RABGAP1L: variants seen among roughly 807,000 people sequenced by gnomAD.
RABGAP1L encodes the protein RAB GTPase activating protein 1 like.
RABGAP1L carries 63 observed loss-of-function variants against 137.7 expected under a neutral mutation model. That is an observed-to-expected ratio of 0.46 (90% confidence interval 0.37 to 0.56). The LOEUF is 0.56. Ranked by LOEUF, RABGAP1L falls within the 20% of genes least tolerant of loss-of-function variation. The pLI is 0.00. For missense variants in RABGAP1L, 1,095 were observed against 1,244.0 expected (o/e 0.88, Z 1.80); for synonymous variants, 431 against 433.7 (o/e 0.99, Z 0.08).
intron 5 of RABGAP1L, among the ~76,000 whole-genome samples, chr1:174,248,605 A>C (rs1043062677): frequency 6.6e-6 from 1 of 152,184 alleles, no homozygotes; most frequent in African/African-American, 2.4e-5. Flanking sequence ...CTTTAGGGTA[A>C]TCATTGGTTA....
In RABGAP1L at chr1:174,448,247, G is replaced by C; in HGVS notation, c.1710+54102G>C. 1 of 1,614,060 alleles carries C rather than the reference G, an allele frequency of 6.2e-7. No individual in the cohort carries two copies. Among genetic ancestry groups the C allele is most frequent in the Non-Finnish European group, 8.5e-7 (1 of 1,179,976 alleles). On this transcript the variant is annotated intron_variant, in intron 13 of 25. Coordinates refer to ENST00000681986, the MANE Select transcript of RABGAP1L (RefSeq NM_001366446.1). This position sits in a 1 kb window ranked among gnomAD's most constrained non-coding sequence, Gnocchi z 4.2. ...GGATGTCTGCATCTTCGAGACAGTG[G>C]TTATTGTGTTGCTGACATTTCTGAT...
intron 11 of RABGAP1L, among the ~76,000 whole-genome samples, chr1:174,329,911 A>G (rs1280028007): frequency 6.6e-6 from 1 of 150,842 alleles, no homozygotes; most frequent in African/African-American, 2.5e-5. Context: ...TTTTTAAAAA[A>G]AGACTGATTT....
At chr1:174,936,971 A>ATTTTTTTTTTT (rs909397955) in intron 19 of RABGAP1L, among the ~76,000 whole-genome samples, 36 of 101,520 alleles carry the variant, frequency 3.5e-4, no homozygotes, top group African/African-American at 1.2e-3. Context: ...TATAAGATTA[A>ATTTTTTTTTTT]TTTTTTTTTT....
intron 1 of RABGAP1L, among the ~76,000 whole-genome samples, chr1:174,164,960 T>C (rs1029495507): frequency 1.3e-5 from 2 of 152,202 alleles, no homozygotes; most frequent in African/African-American, 4.8e-5. Context: ...GCTTCTTTCC[T>C]AACCTCACTT....
chr1:174,791,604 C>A (rs907209274), intron 18 of RABGAP1L, among the ~76,000 whole-genome samples: 1 of 152,166 alleles, frequency 6.6e-6, no homozygotes, highest in Non-Finnish European at 1.5e-5. Context: ...CAGGCTTCTG[C>A]TAACATATGT....
chr1:174,906,047 T>C (rs1337872566), intron 19 of RABGAP1L, among the ~76,000 whole-genome samples: 1 of 152,102 alleles, frequency 6.6e-6, no homozygotes, highest in East Asian at 1.9e-4. Flanking sequence ...AGACAGGATC[T>C]CACTCTATCA....
chr1:174,667,301 T>C (rs1471031858), intron 14 of RABGAP1L, among the ~76,000 whole-genome samples: 1 of 152,110 alleles, frequency 6.6e-6, no homozygotes, highest in African/African-American at 2.4e-5. Flanking sequence ...CCCATCTCCA[T>C]GGACACAAAC....
chr1:174,521,140 T>C (rs1663343901), intron 13 of RABGAP1L, among the ~76,000 whole-genome samples: 1 of 152,112 alleles, frequency 6.6e-6, no homozygotes. Context: ...CCACAGAAAA[T>C]AAAAACCTTA....
At chr1:174,370,512 C>CT (rs372406044) in intron 11 of RABGAP1L, among the ~76,000 whole-genome samples, 12,896 of 50,286 alleles carry the variant, frequency 0.26, 1,476 homozygotes, top group East Asian at 0.6. Flanking sequence ...AGAAACCTAA[C>CT]TTTTTTTTTT....
chr1:174,809,904 G>A (rs112733377), intron 18 of RABGAP1L, among the ~76,000 whole-genome samples: 6 of 152,332 alleles, frequency 3.9e-5, no homozygotes, highest in African/African-American at 1.4e-4. Flanking sequence ...GCCTTTTCCA[G>A]CTAAGTTAAG....
intron 13 of RABGAP1L, among the ~76,000 whole-genome samples, chr1:174,615,397 G>A (rs539675209): frequency 2.6e-5 from 4 of 152,278 alleles, no homozygotes; most frequent in Non-Finnish European, 5.9e-5. Context: ...GCGGATTTTC[G>A]TGAACCACAA....
In RABGAP1L at chr1:174,306,784, A is replaced by G. The variant is rs550771303; in HGVS notation, c.1465+1657A>G. Among the ~76,000 whole-genome samples the G allele has an allele frequency of 2.8e-4, 42 of 152,286 alleles. 1 individual carries two copies. The South Asian group carries it at 3.9e-3, about 14-fold the overall frequency. On this transcript the variant is annotated intron_variant, in intron 11 of 25. Coordinates refer to ENST00000681986, the MANE Select transcript of RABGAP1L (RefSeq NM_001366446.1). Reference sequence around the variant, plus strand: ...ACTGACCTCACAAAAAGCACATATCATATGGCTCTGTGCTCAATACTCTTT... The same window carrying G: ...ACTGACCTCACAAAAAGCACATATCGTATGGCTCTGTGCTCAATACTCTTT...
chr1:174,161,248 A>ATTATT (rs1664418596), intron 1 of RABGAP1L, among the ~76,000 whole-genome samples: 1 of 148,254 alleles, frequency 6.7e-6, no homozygotes, highest in East Asian at 2.0e-4. Context: ...TATTATTATT[A>ATTATT]TTATTATTTT....
intron 13 of RABGAP1L, among the ~76,000 whole-genome samples, chr1:174,460,784 A>T (rs947283433): frequency 1.5e-4 from 23 of 151,882 alleles, no homozygotes; most frequent in Admixed American, 2.6e-4. Context: ...CCCTATAGGG[A>T]ATTTGTTTAG....
chr1:174,243,627 A>AT (rs1271830370), intron 5 of RABGAP1L, among the ~76,000 whole-genome samples: 1 of 152,238 alleles, frequency 6.6e-6, no homozygotes, highest in East Asian at 1.9e-4. Context: ...CTAAGCGTTC[A>AT]TTTGATACTC....
chr1:174,737,855 A>AAG (rs1491424519), intron 17 of RABGAP1L, among the ~76,000 whole-genome samples: 3 of 152,108 alleles, frequency 2.0e-5, no homozygotes, highest in East Asian at 1.9e-4. Flanking sequence ...GAGCGGGACC[A>AAG]AGAGAGAGAT....
intron 1 of RABGAP1L, among the ~76,000 whole-genome samples, chr1:174,217,113 G>T (rs1414315810): frequency 6.6e-6 from 1 of 152,112 alleles, no homozygotes; most frequent in East Asian, 1.9e-4. Context: ...CTGATGTGAG[G>T]AGTAAAGAAG....
intron 13 of RABGAP1L, among the ~76,000 whole-genome samples, chr1:174,433,068 T>G (rs556295942): frequency 5.9e-5 from 9 of 152,288 alleles, no homozygotes; most frequent in Admixed American, 2.6e-4. Flanking sequence ...ATGCTTTAAG[T>G]TTTAGTTTTC....
intron 1 of RABGAP1L, among the ~76,000 whole-genome samples, chr1:174,200,270 T>C (rs1668005587): frequency 6.6e-6 from 1 of 152,206 alleles, no homozygotes; most frequent in African/African-American, 2.4e-5. Flanking sequence ...AACAATCTGG[T>C]GTTCCTAAAA....
Sources: allele counts gnomAD v4.1 joint callset (sites outside exome capture counted in the v4.1 genomes callset), GRCh38; gene constraint gnomAD v4.1.1; non-coding constraint Gnocchi (gnomAD v3.1); transcripts MANE v1.5; gene names NCBI Gene and HGNC (gene_info 2026-07-23, HGNC 2026-07-21).